The following LRGUK variants were observed in gnomAD, a reference collection of about 807,000 sequenced individuals.
The protein encoded by LRGUK is leucine-rich repeat and guanylate kinase domain-containing protein.
In LRGUK, 65 loss-of-function variants were observed where a neutral mutation model predicts 76.0. The observed-to-expected ratio is 0.85, with a 90% confidence interval of 0.70 to 1.05. The LOEUF is 1.05. LRGUK is among the 50% of genes least tolerant of loss of function. The pLI, the probability that LRGUK is intolerant of heterozygous loss-of-function variation, is 0.00. For missense variants in LRGUK, 758 were observed against 732.8 expected, an observed-to-expected ratio of 1.03 and a Z score of -0.40; for synonymous variants, 268 against 265.6, an observed-to-expected ratio of 1.01 and a Z score of -0.09.
At chr7:134,214,841 A>G (rs1801394742), downstream of LRGUK, among the ~76,000 whole-genome samples, 1 of 152,000 alleles carries the variant, frequency 6.6e-6, no homozygotes, top group African/African-American at 2.4e-5. Flanking sequence ...TGAGAAAGCA[A>G]CAGCCTTACA....
chr7:134,241,727 T>G (rs1376807750), intron 16 of LRGUK, among the ~76,000 whole-genome samples: 1 of 152,156 alleles, frequency 6.6e-6, no homozygotes, highest in Non-Finnish European at 1.5e-5. Flanking sequence ...TACAGAACTC[T>G]CCACCCCAAA....
At chr7:134,190,930 G>T (rs1585524753) in intron 11 of LRGUK, among the ~76,000 whole-genome samples, 1 of 151,054 alleles carries the variant, frequency 6.6e-6, no homozygotes, top group Non-Finnish European at 1.5e-5. Context: ...TCTGGGGATA[G>T]ACAGTAGTTG....
At chr7:134,268,058 A>G (rs1802892117), downstream of LRGUK, among the ~76,000 whole-genome samples, 1 of 152,234 alleles carries the variant, frequency 6.6e-6, no homozygotes, top group Non-Finnish European at 1.5e-5. Flanking sequence ...GTCTTAAATC[A>G]GTAAGCTCCT....
downstream of LRGUK, among the ~76,000 whole-genome samples, chr7:134,214,896 G>T (rs1204279101): frequency 1.3e-5 from 2 of 152,006 alleles, no homozygotes; most frequent in South Asian, 2.1e-4. Flanking sequence ...AGTTAGAGGT[G>T]ATTTGCAGAG....
At chr7:134,133,895 AT>A (rs1797416318) in intron 1 of LRGUK, among the ~76,000 whole-genome samples, 1 of 151,992 alleles carries the variant, frequency 6.6e-6, no homozygotes, top group African/African-American at 2.4e-5. Context: ...CCCTGCCTCT[AT>A]AAAAAAATTA....
Position 134,151,616 on chromosome 7 carries a change from G to A in LRGUK, c.670+3297G>A, listed in dbSNP as rs907268010. The stretch of plus-strand genomic sequence containing the variant: ...ACAACAGGCTTGTCTCACTCATGAT[G>A]TAGCTGTAAAAGTCCTAAACAAAAT... On this transcript the variant is annotated intron_variant, in intron 5 of 15. Transcript: ENST00000645682. Among the ~76,000 whole-genome samples the A allele has an allele frequency of 2.0e-5, 3 of 152,136 alleles. No homozygotes were observed. In the East Asian group the frequency reaches 5.8e-4, roughly 29 times the overall value.
chr7:134,127,499 T>A, exon 1 of LRGUK: 5 of 1,614,124 alleles, frequency 3.1e-6, no homozygotes, highest in Non-Finnish European at 4.2e-6. Context: ...GCTGGTCTTT[T>A]CCCATGGGGC....
downstream of LRGUK, among the ~76,000 whole-genome samples, chr7:134,266,445 C>T (rs1177056361): frequency 6.6e-6 from 1 of 152,006 alleles, no homozygotes; most frequent in African/African-American, 2.4e-5. Context: ...TAGCAAAGAA[C>T]AGAAGACATA....
chr7:134,244,386 G>A (rs2117199368), intron 16 of LRGUK, among the ~76,000 whole-genome samples: 1 of 152,226 alleles, frequency 6.6e-6, no homozygotes, highest in Middle Eastern at 3.4e-3. Flanking sequence ...ATCAAAAATT[G>A]GGCAAAGGAT....
At chr7:134,265,398 G>A (rs560175633), downstream of LRGUK, among the ~76,000 whole-genome samples, 2 of 152,138 alleles carry the variant, frequency 1.3e-5, no homozygotes, top group Non-Finnish European at 2.9e-5. Flanking sequence ...CAGAGCCTGA[G>A]TAACAACATG....
chr7:134,239,385 G>A (rs1462844481), intron 16 of LRGUK, among the ~76,000 whole-genome samples: 1 of 152,170 alleles, frequency 6.6e-6, no homozygotes, highest in Non-Finnish European at 1.5e-5. Context: ...TTAGCAAATG[G>A]CACACCAGGA....
At chr7:134,199,524 T>A in intron 14 of LRGUK, 103 bp downstream of exon 14, 1 of 986,972 alleles carries the variant, frequency 1.0e-6, no homozygotes, top group Non-Finnish European at 1.5e-6. Flanking sequence ...ATTTTTCTTG[T>A]AACGGTGAAT....
At chr7:134,201,434 T>C (rs1800763985) in intron 14 of LRGUK, 47 bp from the exon 15 acceptor site, 1 of 1,380,860 alleles carries the variant, frequency 7.2e-7, no homozygotes, top group South Asian at 1.2e-5. Context: ...ACATCAACTG[T>C]ATTGGATGTG....
intron 19 of LRGUK, among the ~76,000 whole-genome samples, chr7:134,262,314 C>T (rs977036289): frequency 6.6e-6 from 1 of 152,162 alleles, no homozygotes; most frequent in African/African-American, 2.4e-5. Context: ...GCGGTGGTTG[C>T]AGTGAGCCAA....
chr7:134,155,883 T>C (rs55948110), intron 5 of LRGUK, among the ~76,000 whole-genome samples: 3 of 152,212 alleles, frequency 2.0e-5, no homozygotes, highest in Non-Finnish European at 4.4e-5. Context: ...TCCTTCTTGC[T>C]TAAAAAAATT....
At chr7:134,132,479 G>T (rs1425811969) in intron 1 of LRGUK, among the ~76,000 whole-genome samples, 1 of 152,052 alleles carries the variant, frequency 6.6e-6, no homozygotes, top group Non-Finnish European at 1.5e-5. Context: ...GGCCCACGTG[G>T]TTTTTATGAG....
intron 1 of LRGUK, among the ~76,000 whole-genome samples, chr7:134,133,721 A>G (rs1797405489): frequency 6.6e-6 from 1 of 152,114 alleles, no homozygotes. Context: ...GGGTAGTTGC[A>G]ACCAGGGAAC....
exon 13 of LRGUK, chr7:134,197,003 T>G: frequency 6.3e-7 from 1 of 1,584,348 alleles, no homozygotes; most frequent in Non-Finnish European, 8.6e-7. Context: ...GGAAATTCAT[T>G]CTAACATTTA....
chr7:134,261,647 G>T (rs562842969), intron 19 of LRGUK, among the ~76,000 whole-genome samples: 16 of 152,306 alleles, frequency 1.1e-4, no homozygotes, highest in African/African-American at 3.8e-4. Context: ...AACCCCATGA[G>T]AAACTTTGAT....
Sources: allele counts gnomAD v4.1 joint callset (sites outside exome capture counted in the v4.1 genomes callset), GRCh38; gene constraint gnomAD v4.1.1; transcripts MANE v1.5; gene names NCBI Gene and HGNC (gene_info 2026-07-23, HGNC 2026-07-21).